Variants in SGK1 observed in about 807,000 individuals in gnomAD.
The protein encoded by SGK1 is serum/glucocorticoid regulated kinase 1, also known as serine/threonine-protein kinase Sgk1.
SGK1 carries 26 observed loss-of-function variants against 64.2 expected under a neutral mutation model. That is an observed-to-expected ratio of 0.40 (90% CI 0.30 to 0.56). The LOEUF (loss-of-function observed/expected upper bound fraction) is 0.56, where lower values mean the gene tolerates loss of function less well. Among genes scored for constraint, SGK1 ranks in the 20% least tolerant of loss-of-function variants. SGK1 has a pLI of 0.38. For synonymous variants in SGK1, 265 were observed against 239.7 expected, an observed-to-expected ratio of 1.11 and a Z score of -0.98; for missense variants, 519 against 645.6, an observed-to-expected ratio of 0.80 and a Z score of 2.12.
At chr6:134,196,774 C>T (rs922311606) in intron 3 of SGK1, among the ~76,000 whole-genome samples, 5 of 152,180 alleles carry the variant, frequency 3.3e-5, no homozygotes, top group East Asian at 3.9e-4. Flanking sequence ...CCAAAAACCA[C>T]GTATGAGTGA....
chr6:134,251,782 T>C (rs1417566271), intron 2 of SGK1, among the ~76,000 whole-genome samples: 4 of 152,234 alleles, frequency 2.6e-5, no homozygotes, highest in Non-Finnish European at 5.9e-5. Flanking sequence ...AGAGATGAGG[T>C]TTTACTCTGT....
At chr6:134,231,384 T>C (rs2114713452) in intron 2 of SGK1, among the ~76,000 whole-genome samples, 1 of 152,338 alleles carries the variant, frequency 6.6e-6, no homozygotes, top group South Asian at 2.1e-4. Flanking sequence ...GGTTAGAATA[T>C]GCAGTGTGAA....
chr6:134,284,905 T>TA (rs1411075606), intron 1 of SGK1, among the ~76,000 whole-genome samples: 1 of 152,234 alleles, frequency 6.6e-6, no homozygotes, highest in African/African-American at 2.4e-5. Context: ...CCTTGGTGTG[T>TA]ATATATCACA....
At chr6:134,305,530 A>G (rs184807311) in intron 1 of SGK1, among the ~76,000 whole-genome samples, 2 of 150,054 alleles carry the variant, frequency 1.3e-5, no homozygotes, top group East Asian at 4.0e-4. Flanking sequence ...CCATGATCGC[A>G]CCACTGCACC....
intron 3 of SGK1, among the ~76,000 whole-genome samples, chr6:134,198,724 C>CTTTTTTTTTTTTTTTTTT (rs1459010325): frequency 1.5e-5 from 1 of 65,940 alleles, no homozygotes; most frequent in Non-Finnish European, 3.5e-5. Context: ...TTCTCTTTTT[C>CTTTTTTTTTTTTTTTTTT]TATTTTTTTT....
intron 3 of SGK1, among the ~76,000 whole-genome samples, chr6:134,178,802 C>G (rs1431499952): frequency 6.6e-6 from 1 of 151,964 alleles, no homozygotes; most frequent in South Asian, 2.1e-4. Flanking sequence ...AGGAGATAGG[C>G]TAATTACCTC....
At chr6:134,261,757 T>C in intron 2 of SGK1, 176 bp downstream of exon 2, 1 of 636,286 alleles carries the variant, frequency 1.6e-6, no homozygotes, top group Non-Finnish European at 2.8e-6. Context: ...ATATAAAGCC[T>C]ACTTTAAAAA....
In SGK1 at chr6:134,289,864, T is replaced by C. The variant is rs372306530; in HGVS notation, c.69+27528A>G. Among the ~76,000 whole-genome samples, 29 of 152,048 alleles carry C rather than the reference T, an allele frequency of 1.9e-4. 1 individual carries two copies. Among genetic ancestry groups the C allele is most frequent in the African/African-American group, 5.5e-4 (23 of 41,498 alleles). ...TCTACAAAAAATAAAAAAGTAGCTATGTGGCCTGGTGCAGTGGTTCATGCT... is the reference window on the plus strand; with the variant it reads ...TCTACAAAAAATAAAAAAGTAGCTACGTGGCCTGGTGCAGTGGTTCATGCT... On this transcript the variant is annotated intron_variant, in intron 1 of 13. Transcript: ENST00000367858.
intron 3 of SGK1, among the ~76,000 whole-genome samples, chr6:134,188,758 G>C (rs1212230408): frequency 6.6e-6 from 1 of 151,902 alleles, no homozygotes; most frequent in African/African-American, 2.4e-5. Context: ...TTTGAGTCAG[G>C]GTCTTGCTTT....
intron 3 of SGK1, among the ~76,000 whole-genome samples, chr6:134,181,042 G>A (rs933864769): frequency 1.3e-5 from 2 of 152,258 alleles, no homozygotes; most frequent in East Asian, 1.9e-4. Context: ...GAGGCCTCCC[G>A]CAATATCTGG....
chr6:134,199,584 G>T, intron 3 of SGK1, among the ~76,000 whole-genome samples: 1 of 124,076 alleles, frequency 8.1e-6, no homozygotes, highest in Non-Finnish European at 1.8e-5. Context: ...AAAAGAAAGA[G>T]AGTTTACTTA....
At chr6:134,218,230 A>T (rs1776018313) in intron 2 of SGK1, among the ~76,000 whole-genome samples, 1 of 152,156 alleles carries the variant, frequency 6.6e-6, no homozygotes, top group South Asian at 2.1e-4. Context: ...CTTGAGTTAC[A>T]TTTTAAGATG....
intron 3 of SGK1, chr6:134,175,692 G>T (rs1325863419): frequency 3.4e-5 from 49 of 1,454,940 alleles, no homozygotes; most frequent in African/African-American, 4.4e-5. Context: ...CGCGGCAGAC[G>T]AGAGCGACCG....
chr6:134,214,599 G>A (rs961671720), intron 2 of SGK1, among the ~76,000 whole-genome samples: 2 of 85,014 alleles, frequency 2.4e-5, no homozygotes, highest in Non-Finnish European at 3.2e-5. Context: ...AAAAATTAAT[G>A]AAAGTAATTA....
chr6:134,206,721 T>G (rs1743953), intron 3 of SGK1, among the ~76,000 whole-genome samples: 1 of 150,768 alleles, frequency 6.6e-6, no homozygotes, highest in Non-Finnish European at 1.5e-5. Flanking sequence ...ACAAAAATTA[T>G]CCAGGCATGG....
At position 134,219,551 on chromosome 6, in the gene SGK1, G is replaced by A. The variant is rs527257970; in HGVS notation, c.286-12120C>T. Among the ~76,000 whole-genome samples, 18 of 151,846 alleles carry A rather than the reference G, an allele frequency of 1.2e-4. No homozygotes were observed. The East Asian group carries it at 3.0e-3, about 25-fold the overall frequency. ...TGAGGCGAGCAGATCACCTGAGGTT[G>A]GGAGTTCGAGACCAGCCTGACCAAC... On this transcript the variant is annotated intron_variant, in intron 2 of 13. Transcript: ENST00000367858.
rs541229622 is a variant in SGK1, at chr6:134,291,156, T to C, written c.69+26236A>G. ...AGCTGCAGCTCAGCCACGTGTGGGA[T>C]GATTTGGAGTGAAAGGTAGGCAGTG... On this transcript the variant is annotated intron_variant, in intron 1 of 13. Transcript: ENST00000367858. Among the ~76,000 whole-genome samples the C allele has an allele frequency of 3.7e-4, 56 of 152,240 alleles. 1 individual carries two copies. In the South Asian group the frequency reaches 0.011, roughly 30 times the overall value.
chr6:134,254,300 C>T (rs140328292), intron 2 of SGK1, among the ~76,000 whole-genome samples: 23 of 152,246 alleles, frequency 1.5e-4, no homozygotes, highest in Middle Eastern at 3.4e-3. Context: ...CACGCACACA[C>T]ATATCACACA....
chr6:134,177,478 T>G (rs531497309), intron 3 of SGK1, among the ~76,000 whole-genome samples: 3 of 152,146 alleles, frequency 2.0e-5, no homozygotes, highest in African/African-American at 7.2e-5. Flanking sequence ...AGAGAGCAAA[T>G]TTTGCTCAGG....
Sources: gnomAD v4.1 joint callset for allele counts (sites outside exome capture counted in the v4.1 genomes callset) on GRCh38, gnomAD v4.1.1 for gene constraint, MANE v1.5 for transcripts, NCBI Gene and HGNC (gene_info 2026-07-23, HGNC 2026-07-21) for gene names.